CDKN2C: variants seen among roughly 807,000 people sequenced by gnomAD.
CDKN2C encodes cyclin dependent kinase inhibitor 2C.
Under a neutral mutation model 11.0 loss-of-function variants are expected in CDKN2C, and 5 were observed. That is an observed-to-expected ratio of 0.45 (90% confidence interval 0.24 to 0.95). The LOEUF (loss-of-function observed/expected upper bound fraction) is 0.95. CDKN2C is among the 40% of genes least tolerant of loss of function. The pLI is 0.21. For synonymous variants in CDKN2C, 79 were observed against 88.3 expected (o/e 0.89, Z 0.59); for missense variants, 161 against 211.9 (o/e 0.76, Z 1.49).
At position 50,974,161 on chromosome 1, in the gene CDKN2C, G is replaced by A. The variant is rs199504263; in HGVS notation, c.398G>A (p.Arg133Gln). ...VKHTASNVGH[R>Q]NHKGDTACDL... is the part of the protein sequence containing the mutation. ...CACACGGCCAGCAATGTGGGGCATCGGAACCATAAGGGGGACACCGCCTGT... is the reference window on the plus strand; with the variant it reads ...CACACGGCCAGCAATGTGGGGCATCAGAACCATAAGGGGGACACCGCCTGT... Residue 133 changes from arginine to glutamine, a missense_variant, in exon 2 of 2, where the codon CGG (arginine) becomes CAG (glutamine). Arg to Gln is a conservative substitution (Grantham distance 43). Coordinates refer to ENST00000371761, the MANE Select transcript of CDKN2C (RefSeq NM_078626.3). 2.8e-5 allele frequency: 46 copies of A among 1,614,092 alleles called. No homozygotes were observed. The African/African-American group carries it at 4.5e-4, about 16-fold the overall frequency.
chr1:50,973,871 A>G, intron 1 of CDKN2C, 22 bp from the exon 2 acceptor site: 1 of 1,613,626 alleles, frequency 6.2e-7, no homozygotes, highest in Non-Finnish European at 8.5e-7. Context: ...GAAGGATTCT[A>G]CCATTTCTAC....
Position 50,970,329 on chromosome 1 carries a change from C to T in CDKN2C, c.-40C>T, listed in dbSNP as rs2147956374. The T allele has an allele frequency of 6.2e-7, 1 of 1,612,588 alleles. No individual in the cohort carries two copies. The highest frequency in any genetic ancestry group is 1.1e-5 in the South Asian group (1 of 91,010). On this transcript the variant is annotated 5_prime_UTR_variant, in exon 1 of 2. It adds an upstream start codon to the 5' untranslated region. Coordinates refer to ENST00000371761, the MANE Select transcript of CDKN2C (RefSeq NM_078626.3). ...GCAAAGGAAAGGGGAAAAAGAAAAA[C>T]GACTAATTCATCTTTTCCTGATCGT...
upstream of CDKN2C, among the ~76,000 whole-genome samples, chr1:50,965,827 A>C (rs1429006249): frequency 2.0e-5 from 3 of 152,226 alleles, no homozygotes; most frequent in African/African-American, 7.2e-5. Context: ...AAAGTCACAT[A>C]AAAGGCTGCC....
At chr1:50,970,096 C>G, upstream of CDKN2C, 1 of 517,182 alleles carries the variant, frequency 1.9e-6, no homozygotes, top group Non-Finnish European at 3.5e-6. Context: ...TCTGTGGAGT[C>G]GTCAGAATTC....
intron 1 of CDKN2C, among the ~76,000 whole-genome samples, chr1:50,961,019 TTTA>T (rs1396898502): frequency 0.014 from 43 of 3,132 alleles, no homozygotes; most frequent in Admixed American, 0.021. Context: ...TCTATTTTTA[TTTA>T]TTTATTTATT....
chr1:50,965,715 AAAAAT>A (rs897414444), upstream of CDKN2C, among the ~76,000 whole-genome samples: 4 of 152,012 alleles, frequency 2.6e-5, no homozygotes, highest in African/African-American at 7.2e-5. Flanking sequence ...AACCTGTCTC[AAAAAT>A]AAAATAAAAT....
intron 1 of CDKN2C, among the ~76,000 whole-genome samples, chr1:50,972,926 G>A (rs1455265151): frequency 1.3e-5 from 2 of 152,126 alleles, no homozygotes; most frequent in Non-Finnish European, 2.9e-5. Context: ...AAGGCTGTCC[G>A]TGTCCCAAAA....
upstream of CDKN2C, chr1:50,969,293 G>C (rs1264700050): frequency 6.5e-6 from 1 of 153,368 alleles, no homozygotes; most frequent in Non-Finnish European, 1.5e-5. This position sits in a 1 kb window ranked among gnomAD's most constrained non-coding sequence, Gnocchi z 6.6. Flanking sequence ...AGCTCAATGA[G>C]TGCCTACAGC....
At chr1:50,968,246 C>CG (rs941258502), upstream of CDKN2C, 1 of 152,474 alleles carries the variant, frequency 6.6e-6, no homozygotes, top group African/African-American at 2.4e-5. Flanking sequence ...GCGAGCCTGG[C>CG]GGGGGAGCAC....
At chr1:50,966,453 T>C (rs568004319), upstream of CDKN2C, among the ~76,000 whole-genome samples, 2 of 152,378 alleles carry the variant, frequency 1.3e-5, no homozygotes, top group South Asian at 4.1e-4. Flanking sequence ...GATGTACTTA[T>C]CATTTTGATG....
At position 50,974,064 on chromosome 1, in the gene CDKN2C, A is replaced by G. The variant is rs1187504572; in HGVS notation, c.301A>G (p.Asn101Asp). 1.2e-6 allele frequency: 2 copies of G among 1,614,192 alleles called. No homozygotes were observed. Among genetic ancestry groups the G allele is most frequent in the Non-Finnish European group, 1.7e-6 (2 of 1,180,034 alleles). The change falls in exon 2 of 2, where the codon AAT becomes GAT. Residue 101 changes from asparagine to aspartate, a missense_variant. Physicochemically the swap from Asn to Asp is conservative, Grantham distance 23. Transcript: ENST00000371761. ...TCAAGCTGATGTTAACATCGAGGAT[A>G]ATGAAGGGAACCTGCCCTTGCACTT... Reference protein sequence around the residue: ...EFQADVNIEDNEGNLPLHLAA... With the variant: ...EFQADVNIEDDEGNLPLHLAA...
At chr1:50,967,646 G>C (rs778214983), upstream of CDKN2C, among the ~76,000 whole-genome samples, 96 of 152,280 alleles carry the variant, frequency 6.3e-4, no homozygotes, top group Non-Finnish European at 1.1e-3. Flanking sequence ...AACCGTGTTG[G>C]ATATTTTTAA....
At chr1:50,964,710 T>C (rs1645339075) in intron 1 of CDKN2C, among the ~76,000 whole-genome samples, 2 of 152,200 alleles carry the variant, frequency 1.3e-5, no homozygotes, top group Admixed American at 1.3e-4. Flanking sequence ...TTCCCTCACC[T>C]GAAATACGGG....
chr1:50,969,683 CT>C (rs1271838858), upstream of CDKN2C: 2 of 160,608 alleles, frequency 1.2e-5, no homozygotes, highest in Non-Finnish European at 2.7e-5. The surrounding 1 kb of genome is among the most constrained non-coding windows in gnomAD (Gnocchi z 6.6). Context: ...TCGTTACGAC[CT>C]GTAACTTGAG....
At chr1:50,969,958 C>G, upstream of CDKN2C, 1 of 256,062 alleles carries the variant, frequency 3.9e-6, no homozygotes, top group East Asian at 5.9e-5. The surrounding 1 kb of genome is among the most constrained non-coding windows in gnomAD (Gnocchi z 6.6). Flanking sequence ...TTTTCTGCCC[C>G]GATCTATAGT....
intron 1 of CDKN2C, among the ~76,000 whole-genome samples, chr1:50,963,834 C>T (rs985138327): frequency 2.0e-5 from 3 of 152,126 alleles, no homozygotes; most frequent in Non-Finnish European, 1.5e-5. Flanking sequence ...GGTCCATGCA[C>T]GAGCAAAGAA....
At position 50,974,217 on chromosome 1, in the gene CDKN2C, G is replaced by A; in HGVS notation, c.454G>A (p.Val152Ile). ...DLARLYGRNE[V>I]VSLMQANGAG... ...GGCCAGGCTCTATGGGAGGAATGAG[G>A]TTGTTAGCCTGATGCAGGCAAACGG... Residue 152 changes from valine (V) to isoleucine (I), a missense_variant, in exon 2 of 2, where the codon GTT becomes ATT. Coordinates refer to ENST00000371761, the MANE Select transcript of CDKN2C (RefSeq NM_078626.3). The A allele has an allele frequency of 6.3e-7, 1 of 1,599,918 alleles. No homozygotes were observed.
intron 1 of CDKN2C, among the ~76,000 whole-genome samples, chr1:50,971,383 G>C (rs1405396462): frequency 6.6e-6 from 1 of 152,192 alleles, no homozygotes; most frequent in Non-Finnish European, 1.5e-5. Context: ...AAAACCCAGT[G>C]GGGAGAGGGT....
upstream of CDKN2C, among the ~76,000 whole-genome samples, chr1:50,966,313 G>A (rs552827624): frequency 3.9e-5 from 6 of 152,226 alleles, no homozygotes; most frequent in South Asian, 1.0e-3. Flanking sequence ...AAAATGCTGG[G>A]ATTATAGGCG....
Sources: gnomAD v4.1 joint callset for allele counts (sites outside exome capture counted in the v4.1 genomes callset) on GRCh38, gnomAD v4.1.1 for gene constraint, Gnocchi (gnomAD v3.1) non-coding constraint, MANE v1.5 for transcripts, NCBI Gene and HGNC (gene_info 2026-07-23, HGNC 2026-07-21) for gene names.